The following EBF2 variants were observed in gnomAD, a reference collection of about 807,000 sequenced individuals.
EBF2 encodes the protein transcription factor COE2.
EBF2 carries 21 observed loss-of-function variants against 72.8 expected under a neutral mutation model. The observed-to-expected ratio is 0.29, with a 90% CI of 0.20 to 0.42. EBF2 has a LOEUF of 0.42. Among genes scored for constraint, EBF2 ranks in the 10% least tolerant of loss-of-function variants. The pLI, the probability that EBF2 is intolerant of heterozygous loss-of-function variation, is 1.00. For synonymous variants in EBF2, 299 were observed against 274.2 expected, an observed-to-expected ratio of 1.09 and a Z score of -0.89; for missense variants, 637 against 731.2, an observed-to-expected ratio of 0.87 and a Z score of 1.49.
chr8:25,978,691 C>T (rs191010175), intron 6 of EBF2, among the ~76,000 whole-genome samples: 3 of 152,332 alleles, frequency 2.0e-5, no homozygotes, highest in Non-Finnish European at 4.4e-5. Context: ...TCAACCCCGC[C>T]ATGGCATGTG....
At chr8:25,931,709 C>CT (rs545334504) in intron 6 of EBF2, among the ~76,000 whole-genome samples, 149 of 152,294 alleles carry the variant, frequency 9.8e-4, no homozygotes, top group African/African-American at 3.5e-3. Flanking sequence ...GTCTTCCCTG[C>CT]TTTGGTACAA....
At chr8:25,875,270 T>A (rs1271747531) in intron 10 of EBF2, among the ~76,000 whole-genome samples, 1 of 152,218 alleles carries the variant, frequency 6.6e-6, no homozygotes, top group East Asian at 1.9e-4. Context: ...GCTTGTGCTT[T>A]TATATTTATA....
chr8:25,930,147 G>T (rs745776064), intron 6 of EBF2, among the ~76,000 whole-genome samples: 5 of 152,088 alleles, frequency 3.3e-5, no homozygotes, highest in Non-Finnish European at 7.4e-5. Context: ...GCTTTATTCA[G>T]GTTACATCTC....
Position 26,042,086 on chromosome 8 carries a change from T to C in EBF2, c.288+9A>G. On this transcript the variant is annotated intron_variant, in intron 2 of 15. Transcript: ENST00000520164. ...AGGCCGCGGGGTTTGGGGGGTACTT[T>C]CCGCTTACTTTGTCATTCTCCACAA... The C allele has an allele frequency of 6.2e-7, 1 of 1,612,986 alleles. No individual in the cohort carries two copies. The highest frequency in any genetic ancestry group is 8.5e-7 in the Non-Finnish European group (1 of 1,179,172).
chr8:25,879,054 A>T (rs6998275), intron 10 of EBF2, among the ~76,000 whole-genome samples: 1 of 152,192 alleles, frequency 6.6e-6, no homozygotes, highest in Non-Finnish European at 1.5e-5. Context: ...CATGAAAAAA[A>T]TTTAAATAAC....
rs973546052 is a variant in EBF2, at chr8:25,844,587, G to A, written c.*22C>T. On this transcript the variant is annotated 3_prime_UTR_variant, in exon 16 of 16. Transcript: ENST00000520164. ...GGTCCATCAGAGTAAGTAGTTTTGT[G>A]CTATAAGAAAGCAGTTCTTCTTTAC... The A allele has an allele frequency of 6.2e-7, 1 of 1,613,694 alleles. No individual in the cohort carries two copies. The highest frequency in any genetic ancestry group is 8.5e-7 in the Non-Finnish European group (1 of 1,179,638).
intron 6 of EBF2, among the ~76,000 whole-genome samples, chr8:25,917,319 G>A (rs1160423063): frequency 6.7e-6 from 1 of 150,330 alleles, no homozygotes; most frequent in Non-Finnish European, 1.5e-5. Flanking sequence ...CCTTGTTTTT[G>A]TACTCAGATA....
chr8:25,908,437 G>C, intron 7 of EBF2, 37 bp downstream of exon 7: 1 of 1,450,836 alleles, frequency 6.9e-7, no homozygotes, highest in South Asian at 1.2e-5. Flanking sequence ...AAAACAGGAT[G>C]ACTTATTTAA....
chr8:25,855,944 C>T (rs1040500185), intron 14 of EBF2, among the ~76,000 whole-genome samples: 1 of 152,140 alleles, frequency 6.6e-6, no homozygotes, highest in African/African-American at 2.4e-5. Flanking sequence ...TTTTCCTATT[C>T]TGTGTCTACC....
chr8:25,863,055 A>C (rs1460061693), intron 10 of EBF2, among the ~76,000 whole-genome samples: 1 of 138,966 alleles, frequency 7.2e-6, no homozygotes, highest in Admixed American at 6.9e-5. Flanking sequence ...CTTCTCTGCT[A>C]TCAAATAAAA....
rs912219078 is a variant in EBF2 at position 26,045,162 on chromosome 8, C to T, written c.-303G>A. On this transcript the variant is annotated 5_prime_UTR_variant, in exon 1 of 16. Coordinates refer to ENST00000520164, the MANE Select transcript of EBF2 (RefSeq NM_022659.4). The stretch of plus-strand genomic sequence containing the variant: ...TGCAGTGCTGCCTCCTGAAAGTGAT[C>T]ACAATTTAGAAGCATCACCTGTTCT... The T allele has an allele frequency of 4.2e-6, 1 of 237,260 alleles. No homozygotes were observed. Among genetic ancestry groups the T allele is most frequent in the African/African-American group, 2.2e-5 (1 of 45,382 alleles). The allele number at this position is 237,260 out of a possible 1,614,324, so 14.7% of individuals were successfully genotyped here. A position where few individuals can be genotyped will look rare whatever the true frequency, so the allele number is the denominator to read the frequency against.
chr8:25,965,558 G>T (rs1804101703), intron 6 of EBF2, among the ~76,000 whole-genome samples: 1 of 152,212 alleles, frequency 6.6e-6, no homozygotes, highest in Non-Finnish European at 1.5e-5. Flanking sequence ...CACTCAGGGA[G>T]AAATCCTATC....
At chr8:25,858,214 GA>G in intron 14 of EBF2, 104 bp downstream of exon 14, 1 of 1,398,658 alleles carries the variant, frequency 7.1e-7, no homozygotes, top group Admixed American at 1.8e-5. Context: ...GCTGCTCCCC[GA>G]CAACTTAGGA....
At chr8:25,913,514 C>T (rs979997254) in intron 6 of EBF2, among the ~76,000 whole-genome samples, 1 of 152,116 alleles carries the variant, frequency 6.6e-6, no homozygotes, top group African/African-American at 2.4e-5. Flanking sequence ...TTATACAGAA[C>T]CTGTCTGTAT....
intron 6 of EBF2, among the ~76,000 whole-genome samples, chr8:26,012,077 G>C (rs1404894433): frequency 6.6e-6 from 1 of 152,132 alleles, no homozygotes; most frequent in Non-Finnish European, 1.5e-5. Context: ...CAGAAAGAAA[G>C]AATCATGCCC....
chr8:26,022,294 G>T (rs1805214877), intron 6 of EBF2, among the ~76,000 whole-genome samples: 1 of 152,194 alleles, frequency 6.6e-6, no homozygotes, highest in African/African-American at 2.4e-5. Context: ...TCTGTAATGT[G>T]GGATAACATT....
chr8:25,857,909 G>A (rs904724786), intron 14 of EBF2: 7 of 346,772 alleles, frequency 2.0e-5, no homozygotes, highest in African/African-American at 1.5e-4. Flanking sequence ...GAAAACTGCA[G>A]CAAAGCCAAA....
intron 6 of EBF2, among the ~76,000 whole-genome samples, chr8:25,984,554 C>T (rs951675710): frequency 1.8e-4 from 27 of 152,044 alleles, no homozygotes; most frequent in Admixed American, 1.4e-3. Flanking sequence ...TGGTGGCGCA[C>T]GCCTGCAGTT....
intron 6 of EBF2, among the ~76,000 whole-genome samples, chr8:26,006,666 A>G (rs1264298451): frequency 6.6e-6 from 1 of 152,196 alleles, no homozygotes; most frequent in Non-Finnish European, 1.5e-5. Flanking sequence ...GATTTTTTCA[A>G]AGCAAAAATC....
Sources: allele counts gnomAD v4.1 joint callset (sites outside exome capture counted in the v4.1 genomes callset), GRCh38; gene constraint gnomAD v4.1.1; transcripts MANE v1.5; gene names NCBI Gene and HGNC (gene_info 2026-07-23, HGNC 2026-07-21).